SLC28A3: variants seen among roughly 807,000 people sequenced by gnomAD.
SLC28A3 encodes the protein concentrative Na(+)-nucleoside cotransporter 3.
SLC28A3 carries 68 observed loss-of-function variants against 84.2 expected under a neutral mutation model. That is an observed-to-expected ratio of 0.81 (90% CI 0.66 to 0.99). The LOEUF (loss-of-function observed/expected upper bound fraction) is 0.99, where lower values mean the gene tolerates loss of function less well. Ranked by LOEUF, SLC28A3 falls within the 50% of genes least tolerant of loss-of-function variation. The pLI is 0.00. For synonymous variants in SLC28A3, 267 were observed against 303.6 expected, an observed-to-expected ratio of 0.88 and a Z score of 1.25; for missense variants, 712 against 841.5, an observed-to-expected ratio of 0.85 and a Z score of 1.90.
At chr9:84,337,675 A>G (rs1827029176) in intron 1 of SLC28A3, among the ~76,000 whole-genome samples, 1 of 152,228 alleles carries the variant, frequency 6.6e-6, no homozygotes, top group African/African-American at 2.4e-5. Flanking sequence ...CTTCCTTCAT[A>G]AATAGCAAAC....
chr9:84,320,347 G>A (rs977325208), intron 1 of SLC28A3, among the ~76,000 whole-genome samples: 6 of 151,922 alleles, frequency 3.9e-5, no homozygotes, highest in Admixed American at 3.9e-4. Context: ...GAGCCACTGT[G>A]CCTGGCCTGG....
chr9:84,348,353 CAAAA>C, the SLC28A3 span, among the ~76,000 whole-genome samples: 4 of 105,450 alleles, frequency 3.8e-5, no homozygotes, highest in African/African-American at 1.4e-4. Context: ...GACTCCGTCT[CAAAA>C]AAAAAAAAAA....
intron 1 of SLC28A3, among the ~76,000 whole-genome samples, chr9:84,314,863 G>C (rs904568753): frequency 1.6e-4 from 25 of 152,190 alleles, no homozygotes; most frequent in African/African-American, 6.0e-4. Context: ...CGGATCACGA[G>C]GTCAGGAGAT....
In SLC28A3 at chr9:84,336,688, A is replaced by C. The variant is rs112745698; in HGVS notation, c.60+3886T>G. 1.0e-3 allele frequency among the ~76,000 whole-genome samples: 159 copies of C among 152,164 alleles called. 3 individuals are homozygous for C. Among genetic ancestry groups the C allele is most frequent in the African/African-American group, 3.6e-3 (149 of 41,504 alleles). ...GAGACCCTGTCTCAAAAAAAAAATC[A>C]CAATTTGACTGCGTAAATTCTGAGC... On this transcript the variant is annotated intron_variant, in intron 1 of 17. Transcript: ENST00000376238.
At chr9:84,284,363 T>C (rs571465164) in intron 14 of SLC28A3, among the ~76,000 whole-genome samples, 2 of 152,140 alleles carry the variant, frequency 1.3e-5, no homozygotes, top group Admixed American at 6.5e-5. Flanking sequence ...CTGTAAAATA[T>C]AAATCAGTGC....
At chr9:84,349,363 A>C in the SLC28A3 span, among the ~76,000 whole-genome samples, 7,205 of 152,224 alleles carry the variant, frequency 0.047, 318 homozygotes, top group East Asian at 0.17. Flanking sequence ...CAGCCTCCTG[A>C]GTAGCTGGGA....
chr9:84,321,658 C>T (rs1010816964), intron 1 of SLC28A3, among the ~76,000 whole-genome samples: 1 of 141,602 alleles, frequency 7.1e-6, no homozygotes. Context: ...CACTTGGACT[C>T]GGGAGGCAGA....
In SLC28A3 at chr9:84,276,226, A is replaced by C. The variant is rs1402035241; in HGVS notation, c.*1992T>G. ...ATTATCAGTAAAACTTTAGTGTCTC[A>C]ACTGAGATATGCAAACCAGACAGAC... On this transcript the variant is annotated 3_prime_UTR_variant, in exon 18 of 18. Coordinates refer to ENST00000376238, the MANE Select transcript of SLC28A3 (RefSeq NM_001199633.2). 6.6e-6 allele frequency: 1 copy of C among 152,154 alleles called. No homozygotes were observed. Among genetic ancestry groups the C allele is most frequent in the Non-Finnish European group, 1.5e-5 (1 of 68,026 alleles). 9.4% of individuals were successfully genotyped at this position (152,154 alleles called of 1,614,324 possible).
chr9:84,356,630 G>GTTC, the SLC28A3 span, among the ~76,000 whole-genome samples: 1 of 152,120 alleles, frequency 6.6e-6, no homozygotes, highest in Non-Finnish European at 1.5e-5. Context: ...AGGAATTCGA[G>GTTC]ACCAGCCAGG....
At chr9:84,290,537 T>C (rs1231889741) in intron 10 of SLC28A3, among the ~76,000 whole-genome samples, 2 of 152,176 alleles carry the variant, frequency 1.3e-5, no homozygotes, top group Non-Finnish European at 2.9e-5. Context: ...CATGCTCAAA[T>C]TTGAGAACCC....
rs1588597203 is a variant in SLC28A3, at chr9:84,309,658, C to T, written c.213G>A (p.Glu71=). The change falls in exon 3 of 18, where the codon GAG becomes GAA. Residue 71 remains glutamate (E), a synonymous_variant. Transcript: ENST00000376238. ...QDSPRNREHM[E]DDDEEMQQKG... is the part of the protein sequence containing the mutation. ...TTTGTTGCATCTCCTCATCATCATC[C>T]TCCATGTGTTCTCTGTTTCTTGGAG... 3 of 1,613,502 alleles carry T rather than the reference C, an allele frequency of 1.9e-6. No homozygotes were observed. The highest frequency in any genetic ancestry group is 2.2e-5 in the East Asian group (1 of 44,846).
rs757569568 is a variant in SLC28A3, at chr9:84,297,349, T to G, written c.784-51A>C. 29 of 1,438,286 alleles carry G rather than the reference T, an allele frequency of 2.0e-5. No homozygotes were observed. In the African/African-American group the frequency reaches 2.7e-4, roughly 13 times the overall value. 89.1% of individuals were successfully genotyped at this position (1,438,286 alleles called of 1,614,324 possible). ...TTCATTCCAACCACATGACTGGAAA[T>G]TAGACAGTGCACAGGAATGCTAGGC... On this transcript the variant is annotated intron_variant, in intron 7 of 17. Transcript: ENST00000376238.
intron 1 of SLC28A3, among the ~76,000 whole-genome samples, chr9:84,325,242 C>T (rs1312631615): frequency 6.6e-6 from 1 of 151,898 alleles, no homozygotes; most frequent in Non-Finnish European, 1.5e-5. Context: ...CCTACCTTCC[C>T]ATTCTAGGCC....
At chr9:84,322,597 C>T (rs1826415488) in intron 1 of SLC28A3, among the ~76,000 whole-genome samples, 1 of 152,130 alleles carries the variant, frequency 6.6e-6, no homozygotes, top group South Asian at 2.1e-4. Context: ...ATAATCCCAG[C>T]ACTTTGGGAG....
At chr9:84,312,329 A>C (rs1268379713) in intron 2 of SLC28A3, among the ~76,000 whole-genome samples, 2 of 152,224 alleles carry the variant, frequency 1.3e-5, no homozygotes, top group Non-Finnish European at 2.9e-5. Context: ...ATTCCAATAC[A>C]GATGACATAT....
intron 12 of SLC28A3, among the ~76,000 whole-genome samples, chr9:84,286,940 C>T (rs1437739178): frequency 3.3e-5 from 5 of 152,132 alleles, no homozygotes; most frequent in African/African-American, 1.2e-4. Context: ...CAGTGGCTCA[C>T]ACCCTATAAT....
chr9:84,359,595 TA>T, the SLC28A3 span, among the ~76,000 whole-genome samples: 1 of 152,306 alleles, frequency 6.6e-6, no homozygotes, highest in East Asian at 1.9e-4. Flanking sequence ...CATGCATAAA[TA>T]TAAATCAAAG....
At chr9:84,337,932 C>T (rs377592186) in intron 1 of SLC28A3, among the ~76,000 whole-genome samples, 36 of 152,256 alleles carry the variant, frequency 2.4e-4, no homozygotes, top group African/African-American at 8.4e-4. Context: ...ACTTTGTGCT[C>T]CTGTTTAACC....
chr9:84,286,008 AC>A lies in SLC28A3; in HGVS notation c.1383del (p.Ser462LeufsTer3), dbSNP rs1227376881. The stretch of plus-strand genomic sequence containing the variant: ...CAGGACAGGGCTGAATTCATAAAAG[AC>A]AGCAGGGCCAGGAAGGCAATCAGAT... ...AVNLIAFLAL[L>X]SFMNSALSWF... On this transcript the variant is annotated frameshift_variant, in exon 13 of 18. Coordinates refer to ENST00000376238, the MANE Select transcript of SLC28A3 (RefSeq NM_001199633.2). LOFTEE classifies it high-confidence loss of function. The A allele has an allele frequency of 1.9e-6, 3 of 1,614,130 alleles. No individual in the cohort carries two copies. The Admixed American group carries it at 5.0e-5, about 27-fold the overall frequency.
Sources: gnomAD v4.1 joint callset for allele counts (sites outside exome capture counted in the v4.1 genomes callset) on GRCh38, gnomAD v4.1.1 for gene constraint, MANE v1.5 for transcripts, NCBI Gene and HGNC (gene_info 2026-07-23, HGNC 2026-07-21) for gene names.